The following MRPL1 variants were observed in gnomAD, a reference collection of about 807,000 sequenced individuals.
MRPL1 encodes the protein mitochondrial ribosomal protein L1.
A neutral mutation model predicts 38.0 loss-of-function variants in MRPL1; 28 were observed. The ratio of observed to expected loss-of-function variants is 0.74; its 90% CI spans 0.55 to 1.01. The LOEUF (loss-of-function observed/expected upper bound fraction) is 1.01. MRPL1 is among the 50% of genes least tolerant of loss of function. The pLI, the probability that MRPL1 is intolerant of heterozygous loss-of-function variation, is 0.00. For synonymous variants in MRPL1, 123 were observed against 126.7 expected (o/e 0.97, Z 0.20); for missense variants, 358 against 389.8 (o/e 0.92, Z 0.69).
At chr4:77,897,855 T>A (rs1341279515) in intron 6 of MRPL1, among the ~76,000 whole-genome samples, 1 of 152,248 alleles carries the variant, frequency 6.6e-6, no homozygotes, top group Non-Finnish European at 1.5e-5. Context: ...GAAATTTTTC[T>A]AAATTTCTGC....
At chr4:77,929,702 A>G (rs1736801778) in intron 7 of MRPL1, among the ~76,000 whole-genome samples, 1 of 152,164 alleles carries the variant, frequency 6.6e-6, no homozygotes. Flanking sequence ...AGAGGCTGGC[A>G]AACAATGGCT....
Position 77,904,202 on chromosome 4 carries a change from G to A in MRPL1, c.671-5064G>A, listed in dbSNP as rs113141162. Among the ~76,000 whole-genome samples, 467 of 151,612 alleles carry A rather than the reference G, an allele frequency of 3.1e-3. 3 individuals are homozygous for A. The highest frequency in any genetic ancestry group is 0.017 in the Middle Eastern group (5 of 294). ...ATTGAGGCTGCAGTGAGCTGAGATC[G>A]TGCCACTGCAGTCCAACCTGTGACA... On this transcript the variant is annotated intron_variant, in intron 6 of 8. Transcript: ENST00000315567.
chr4:77,902,245 ATGCC>A (rs1391634643), intron 6 of MRPL1, among the ~76,000 whole-genome samples: 2 of 152,202 alleles, frequency 1.3e-5, no homozygotes, highest in African/African-American at 4.8e-5. Context: ...ACAGTGGCAT[ATGCC>A]TGTCATTCCA....
At chr4:77,872,380 G>A (rs1294375673) in intron 2 of MRPL1, among the ~76,000 whole-genome samples, 4 of 151,886 alleles carry the variant, frequency 2.6e-5, no homozygotes, top group African/African-American at 4.8e-5. Context: ...AGGATTATCC[G>A]TACTATGATT....
intron 6 of MRPL1, chr4:77,907,161 T>G: frequency 2.0e-6 from 2 of 984,120 alleles, no homozygotes; most frequent in Non-Finnish European, 2.4e-6. Context: ...TTCTATTTCT[T>G]ACCCTTTAAA....
intron 7 of MRPL1, among the ~76,000 whole-genome samples, chr4:77,949,212 G>T (rs888345133): frequency 6.6e-6 from 1 of 152,186 alleles, no homozygotes; most frequent in Non-Finnish European, 1.5e-5. Flanking sequence ...CTTTTCAAGG[G>T]TGTAATTTGG....
At chr4:77,925,914 C>G (rs894835447) in intron 7 of MRPL1, among the ~76,000 whole-genome samples, 1 of 152,072 alleles carries the variant, frequency 6.6e-6, no homozygotes, top group Non-Finnish European at 1.5e-5. Flanking sequence ...TATCTTGAGA[C>G]TTTCATTCTG....
intron 7 of MRPL1, among the ~76,000 whole-genome samples, chr4:77,913,180 T>C (rs188544735): frequency 9.4e-4 from 143 of 152,068 alleles, no homozygotes; most frequent in African/African-American, 3.4e-3. Context: ...AATCACCCTA[T>C]AAAAATTAAA....
intron 7 of MRPL1, among the ~76,000 whole-genome samples, chr4:77,919,566 A>C (rs1443472369): frequency 6.6e-6 from 1 of 152,154 alleles, no homozygotes; most frequent in Non-Finnish European, 1.5e-5. Context: ...ATTTGCTGAG[A>C]GTGGTAATCA....
In MRPL1 at chr4:77,909,438, TATA is replaced by T. The variant is rs542416173; in HGVS notation, c.777+70_777+72del. The T allele has an allele frequency of 3.4e-3, 3,348 of 983,652 alleles. 30 individuals are homozygous for T. The highest frequency in any genetic ancestry group is 4.0e-3 in the Middle Eastern group (13 of 3,272). 60.9% of individuals were successfully genotyped at this position (983,652 alleles called of 1,614,324 possible). A position where few individuals can be genotyped will look rare whatever the true frequency, so the allele number is the denominator to read the frequency against. ...GTTGTTCAAGTATTCTTCAGTAATT[TATA>T]ATATTATAAAATGCCAGTCATTTGA... On this transcript the variant is annotated intron_variant, in intron 7 of 8. Coordinates refer to ENST00000315567, the MANE Select transcript of MRPL1 (RefSeq NM_020236.4).
intron 7 of MRPL1, among the ~76,000 whole-genome samples, chr4:77,918,906 A>G (rs34177099): frequency 0.021 from 3,161 of 152,278 alleles, 43 homozygotes; most frequent in Non-Finnish European, 0.034. Context: ...ATTAAACAAC[A>G]TTTCAAATTA....
At chr4:77,909,468 C>G (rs952142581) in intron 7 of MRPL1, 96 bp downstream of exon 7, 1 of 776,712 alleles carries the variant, frequency 1.3e-6, no homozygotes, top group Admixed American at 2.9e-5. Context: ...GTCATTTGAA[C>G]TTGTTTTTGG....
At chr4:77,878,981 C>T (rs1414785311) in intron 2 of MRPL1, among the ~76,000 whole-genome samples, 1 of 152,148 alleles carries the variant, frequency 6.6e-6, no homozygotes, top group Non-Finnish European at 1.5e-5. Context: ...TTTGTACAGT[C>T]TCTTATTACT....
rs150715788 is a variant in MRPL1, at chr4:77,888,886, G to A, written c.558+1595G>A. ...CGTCCCCTACTCCAAGACAGGGCCC[G>A]GTGTGTGATGTTCCCCACCCTGTCA... On this transcript the variant is annotated intron_variant, in intron 5 of 8. Transcript: ENST00000315567. Among the ~76,000 whole-genome samples the A allele has an allele frequency of 2.4e-4, 36 of 152,052 alleles. No homozygotes were observed. In the East Asian group the frequency reaches 4.4e-3, roughly 19 times the overall value.
intron 6 of MRPL1, among the ~76,000 whole-genome samples, 153 bp downstream of exon 6, chr4:77,894,403 T>C (rs936722690): frequency 2.6e-5 from 4 of 152,060 alleles, no homozygotes; most frequent in East Asian, 1.9e-4. Context: ...TTGATTTTTT[T>C]CCCCCGCTTT....
intron 2 of MRPL1, among the ~76,000 whole-genome samples, chr4:77,877,537 G>A (rs1234427824): frequency 6.6e-6 from 1 of 150,876 alleles, no homozygotes; most frequent in African/African-American, 2.4e-5. Context: ...TCACTCTTTT[G>A]CACCCTTCCC....
chr4:77,941,539 C>A (rs1737132424), intron 7 of MRPL1, among the ~76,000 whole-genome samples: 1 of 151,964 alleles, frequency 6.6e-6, no homozygotes, highest in Non-Finnish European at 1.5e-5. Context: ...TGTTTTTAAC[C>A]ATTTCAACCT....
At chr4:77,918,018 C>A (rs1201403516) in intron 7 of MRPL1, among the ~76,000 whole-genome samples, 3 of 147,232 alleles carry the variant, frequency 2.0e-5, no homozygotes, top group African/African-American at 7.6e-5. Flanking sequence ...TGCGCCACTG[C>A]ACTCCAGCCT....
At chr4:77,916,216 T>C (rs1736421117) in intron 7 of MRPL1, among the ~76,000 whole-genome samples, 1 of 152,200 alleles carries the variant, frequency 6.6e-6, no homozygotes, top group African/African-American at 2.4e-5. Context: ...GAGTTTGCTA[T>C]ATAGAAAATA....
Sources: allele counts gnomAD v4.1 joint callset (sites outside exome capture counted in the v4.1 genomes callset), GRCh38; gene constraint gnomAD v4.1.1; transcripts MANE v1.5; gene names NCBI Gene and HGNC (gene_info 2026-07-23, HGNC 2026-07-21).